Variants in CAMTA1 observed in about 807,000 individuals in gnomAD.
The protein encoded by CAMTA1 is calmodulin-binding transcription activator 1.
Under a neutral mutation model 170.9 loss-of-function variants are expected in CAMTA1, and 27 were observed. The ratio of observed to expected loss-of-function variants is 0.16; its 90% CI spans 0.12 to 0.22. CAMTA1 has a LOEUF of 0.22. CAMTA1 is among the 10% of genes least tolerant of loss of function. The pLI, the probability that CAMTA1 is intolerant of heterozygous loss-of-function variation, is 1.00. For missense variants in CAMTA1, 1,619 were observed against 2,217.2 expected, an observed-to-expected ratio of 0.73 and a Z score of 5.42; for synonymous variants, 833 against 891.5, an observed-to-expected ratio of 0.93 and a Z score of 1.17.
chr1:6,805,063 C>T (rs1240517680), intron 1 of CAMTA1, among the ~76,000 whole-genome samples: 3 of 152,288 alleles, frequency 2.0e-5, no homozygotes, highest in South Asian at 4.1e-4. Context: ...ATTGTGGTGT[C>T]GTAGTTAACT....
intron 16 of CAMTA1, among the ~76,000 whole-genome samples, chr1:7,741,584 G>GGTAGGTA (rs2096816800): frequency 6.6e-6 from 1 of 151,690 alleles, no homozygotes; most frequent in Non-Finnish European, 1.5e-5. Context: ...ATGTTAAGTT[G>GGTAGGTA]GTAGGTAGCA....
At chr1:7,048,608 G>A (rs758212877) in intron 3 of CAMTA1, among the ~76,000 whole-genome samples, 2 of 152,198 alleles carry the variant, frequency 1.3e-5, no homozygotes, top group Non-Finnish European at 2.9e-5. Flanking sequence ...GAGATCCAGC[G>A]TTCCTCTGGG....
intron 5 of CAMTA1, among the ~76,000 whole-genome samples, chr1:7,298,881 C>T (rs574013917): frequency 6.6e-6 from 1 of 152,202 alleles, no homozygotes; most frequent in South Asian, 2.1e-4. Flanking sequence ...AGAACAGTCC[C>T]GAGCAGCCAA....
chr1:7,256,426 G>A (rs894295900), intron 5 of CAMTA1, among the ~76,000 whole-genome samples: 3 of 152,182 alleles, frequency 2.0e-5, no homozygotes, highest in Non-Finnish European at 2.9e-5. Context: ...CGGGCATGGT[G>A]GCGGGCACCT....
chr1:7,684,233 G>A (rs1246403544), intron 11 of CAMTA1, among the ~76,000 whole-genome samples: 1 of 152,198 alleles, frequency 6.6e-6, no homozygotes. Context: ...TGTGGAGGAC[G>A]CCCCAGGACT....
intron 6 of CAMTA1, among the ~76,000 whole-genome samples, chr1:7,619,406 T>G (rs2095581766): frequency 6.6e-6 from 1 of 152,054 alleles, no homozygotes; most frequent in Non-Finnish European, 1.5e-5. Context: ...GTGACTGCAG[T>G]CCAGGTTCAC....
intron 3 of CAMTA1, among the ~76,000 whole-genome samples, chr1:6,926,587 C>T (rs1186485613): frequency 7.6e-6 from 1 of 132,018 alleles, no homozygotes. Flanking sequence ...TCTCTCTCTC[C>T]CTTTCCTTTC....
chr1:7,008,964 A>G (rs6691809), intron 3 of CAMTA1, among the ~76,000 whole-genome samples: 96,494 of 152,180 alleles, frequency 0.63, 31,975 homozygotes, highest in African/African-American at 0.84. Flanking sequence ...GCTGGCTTCC[A>G]ATGGGGAAGG....
intron 6 of CAMTA1, among the ~76,000 whole-genome samples, chr1:7,551,179 G>A (rs766681310): frequency 2.0e-5 from 3 of 152,130 alleles, no homozygotes; most frequent in Non-Finnish European, 4.4e-5. Flanking sequence ...CCACCCTGGG[G>A]CTTCCCTGCC....
chr1:7,705,361 TGAGGGGCGCGCGTGTTTGTGC>T (rs1283021674), intron 11 of CAMTA1, among the ~76,000 whole-genome samples: 1 of 143,564 alleles, frequency 7.0e-6, no homozygotes, highest in Non-Finnish European at 1.5e-5. Flanking sequence ...GCCGAGGGCG[TGAGGGGCGCGCGTGTTTGTGC>T]GAGGGGCGTG....
At chr1:7,545,721 G>A (rs971441196) in intron 6 of CAMTA1, among the ~76,000 whole-genome samples, 5 of 152,020 alleles carry the variant, frequency 3.3e-5, no homozygotes, top group Admixed American at 3.3e-4. Context: ...GATGTACCCT[G>A]GATGTGCAGG....
At chr1:7,185,202 G>A (rs1653011258) in intron 4 of CAMTA1, among the ~76,000 whole-genome samples, 1 of 152,158 alleles carries the variant, frequency 6.6e-6, no homozygotes, top group Non-Finnish European at 1.5e-5. Flanking sequence ...AAATATAAAT[G>A]CATGTATTAA....
At chr1:7,048,906 G>A (rs142754000) in intron 3 of CAMTA1, among the ~76,000 whole-genome samples, 1 of 152,310 alleles carries the variant, frequency 6.6e-6, no homozygotes, top group African/African-American at 2.4e-5. Flanking sequence ...TCTAAGATGA[G>A]CCGTCAACCT....
At chr1:7,743,832 C>T (rs4908693) in intron 16 of CAMTA1, among the ~76,000 whole-genome samples, 97,200 of 148,510 alleles carry the variant, frequency 0.65, 32,384 homozygotes, top group Middle Eastern at 0.76. Flanking sequence ...CTTTTCTTTT[C>T]TTTTTTTTTT....
Position 7,737,265 on chromosome 1 carries a change from G to A in CAMTA1, c.3353G>A (p.Cys1118Tyr). The change falls in exon 15 of 23, where the codon TGT becomes TAT. Residue 1118 changes from cysteine to tyrosine, a missense_variant. By Grantham distance (194) the Cys-to-Tyr change is radical. Around this residue, in one of 8 missense-constraint regions of CAMTA1, gnomAD observed 60 missense variants for 128.5 expected, o/e 0.47. Transcript: ENST00000303635. ...CTCCCTGTCTTCTAGATGTGGGCGT[G>A]TGCCCTAGGGCACTTGGAAGCTGCC... is the stretch of plus-strand genomic sequence containing the variant. ...HFSCTPLMWA[C>Y]ALGHLEAAVV... 6.2e-7 allele frequency: 1 copy of A among 1,613,378 alleles called. No individual in the cohort carries two copies. The highest frequency in any genetic ancestry group is 8.5e-7 in the Non-Finnish European group (1 of 1,179,576).
chr1:7,012,169 A>G (rs999185780), intron 3 of CAMTA1, among the ~76,000 whole-genome samples: 1 of 152,114 alleles, frequency 6.6e-6, no homozygotes, highest in African/African-American at 2.4e-5. Flanking sequence ...GGCCCATGAT[A>G]CTGCCCGGTC....
chr1:6,953,041 A>G (rs1290024990), intron 3 of CAMTA1, among the ~76,000 whole-genome samples: 2 of 152,096 alleles, frequency 1.3e-5, no homozygotes, highest in African/African-American at 4.8e-5. Flanking sequence ...CATCGGGTTC[A>G]TATTTTTTGT....
intron 5 of CAMTA1, among the ~76,000 whole-genome samples, chr1:7,328,653 A>G (rs2082840922): frequency 6.6e-6 from 1 of 151,116 alleles, no homozygotes; most frequent in East Asian, 1.9e-4. Context: ...TTCTCTCTGT[A>G]TTGGCTTCCT....
chr1:7,280,020 G>C (rs1211857374), intron 5 of CAMTA1, among the ~76,000 whole-genome samples: 1 of 152,216 alleles, frequency 6.6e-6, no homozygotes, highest in Non-Finnish European at 1.5e-5. Context: ...GAGCCTGCTC[G>C]TTGCTGGTAG....
Sources: gnomAD v4.1 joint callset for allele counts (sites outside exome capture counted in the v4.1 genomes callset) on GRCh38, gnomAD v4.1.1 for gene constraint, gnomAD v4.1.1 regional missense constraint, MANE v1.5 for transcripts, NCBI Gene and HGNC (gene_info 2026-07-23, HGNC 2026-07-21) for gene names.